The following FGD5 variants were observed in gnomAD, a reference collection of about 807,000 sequenced individuals.
FGD5 encodes FYVE, RhoGEF and PH domain-containing protein 5.
Under a neutral mutation model 133.4 loss-of-function variants are expected in FGD5, and 28 were observed. That is an observed-to-expected ratio of 0.21 (90% CI 0.16 to 0.29). The LOEUF is 0.29. Ranked by LOEUF, FGD5 falls within the 10% of genes least tolerant of loss-of-function variation. The probability of loss-of-function intolerance (pLI) is 1.00; values close to 1 mark genes in which losing one functional copy is unlikely to be tolerated. For missense variants in FGD5, 1,858 were observed against 1,895.2 expected (o/e 0.98, Z 0.36); for synonymous variants, 810 against 776.5 (o/e 1.04, Z -0.72).
chr3:14,851,163 T>TG (rs35572917), intron 1 of FGD5, among the ~76,000 whole-genome samples: 115,588 of 151,976 alleles, frequency 0.76, 44,191 homozygotes, highest in East Asian at 0.97. Context: ...GAATTCAGAC[T>TG]GCCTGTAGCT....
At chr3:14,816,564 A>G (rs939032330), upstream of FGD5, among the ~76,000 whole-genome samples, 3 of 152,332 alleles carry the variant, frequency 2.0e-5, no homozygotes, top group East Asian at 5.8e-4. Context: ...GCTGAGTTTC[A>G]TAGCTGATAA....
intron 7 of FGD5, 146 bp from the exon 8 acceptor site, chr3:14,900,257 A>C: frequency 2.7e-6 from 2 of 742,478 alleles, no homozygotes; most frequent in Admixed American, 2.1e-5. Context: ...GTTTCATGCT[A>C]ATGTGGTATT....
chr3:14,901,146 C>A, intron 9 of FGD5, 85 bp downstream of exon 9: 2 of 1,373,346 alleles, frequency 1.5e-6, no homozygotes, highest in Non-Finnish European at 2.1e-6. Flanking sequence ...TGATGCCCCA[C>A]TCCTAGGGGC....
At chr3:14,858,355 G>GAGGATGGA (rs2037326896) in intron 1 of FGD5, among the ~76,000 whole-genome samples, 2 of 130,888 alleles carry the variant, frequency 1.5e-5, no homozygotes, top group Admixed American at 1.6e-4. Context: ...GGGTGGGTGG[G>GAGGATGGA]TGGATGGATG....
intron 18 of FGD5, among the ~76,000 whole-genome samples, chr3:14,928,616 G>A (rs1316643742): frequency 2.0e-5 from 3 of 152,016 alleles, no homozygotes; most frequent in East Asian, 1.9e-4. Flanking sequence ...ATGGTGGCAC[G>A]CACCTGTAGT....
chr3:14,827,638 T>C (rs1037427334), intron 1 of FGD5, among the ~76,000 whole-genome samples: 3 of 152,186 alleles, frequency 2.0e-5, no homozygotes, highest in Non-Finnish European at 4.4e-5. Flanking sequence ...TCTTTTCTGC[T>C]GGCTGGTGGG....
chr3:14,885,292 A>T (rs1375314295), intron 4 of FGD5, among the ~76,000 whole-genome samples: 1 of 151,586 alleles, frequency 6.6e-6, no homozygotes, highest in Non-Finnish European at 1.5e-5. Flanking sequence ...CAAAACAGAT[A>T]GTGAGAAGAG....
Position 14,923,165 on chromosome 3 carries a change from C to A in FGD5, c.3927C>A (p.Gly1309=). 1 of 1,612,986 alleles carries A rather than the reference C, an allele frequency of 6.2e-7. No homozygotes were observed. The highest frequency in any genetic ancestry group is 8.5e-7 in the Non-Finnish European group (1 of 1,179,692). The part of the protein sequence containing the change: ...ELKKRGRAVP[G]LMRERPVSMS... ...AGAAGCGGGGCAGGGCTGTCCCGGGCCTGATGAGAGGTAACCTGGGGACCA... is the reference window on the plus strand; with the variant it reads ...AGAAGCGGGGCAGGGCTGTCCCGGGACTGATGAGAGGTAACCTGGGGACCA... The change falls in exon 16 of 20, where the codon GGC becomes GGA. Residue 1309 remains glycine (G), a synonymous_variant. Coordinates refer to ENST00000285046, the MANE Select transcript of FGD5 (RefSeq NM_152536.4).
intron 1 of FGD5, among the ~76,000 whole-genome samples, chr3:14,832,190 C>A (rs2036724052): frequency 6.6e-6 from 1 of 152,168 alleles, no homozygotes; most frequent in African/African-American, 2.4e-5. Flanking sequence ...GACACCAGGG[C>A]TGAGTCAGGT....
intron 1 of FGD5, among the ~76,000 whole-genome samples, chr3:14,830,961 A>G (rs1435300415): frequency 6.6e-6 from 1 of 152,236 alleles, no homozygotes; most frequent in East Asian, 1.9e-4. Context: ...ATGGAAAAGA[A>G]GAATAAAAAA....
At chr3:14,878,316 G>T (rs116271750) in intron 2 of FGD5, among the ~76,000 whole-genome samples, 2 of 152,208 alleles carry the variant, frequency 1.3e-5, no homozygotes, top group Non-Finnish European at 2.9e-5. Flanking sequence ...GGATGTGATT[G>T]ATTCCAGAGT....
chr3:14,910,729 T>G, intron 10 of FGD5, 132 bp from the exon 11 acceptor site: 2 of 692,966 alleles, frequency 2.9e-6, no homozygotes, highest in Non-Finnish European at 4.8e-6. Context: ...GATTTAAGTT[T>G]CCACTCAGGG....
chr3:14,873,784 C>T (rs1486773112), intron 2 of FGD5, among the ~76,000 whole-genome samples: 1 of 150,976 alleles, frequency 6.6e-6, no homozygotes, highest in Non-Finnish European at 1.5e-5. Flanking sequence ...TGTAGTGGCA[C>T]GATCTTGGCT....
At chr3:14,906,810 T>G (rs1575248448) in intron 9 of FGD5, among the ~76,000 whole-genome samples, 1 of 152,226 alleles carries the variant, frequency 6.6e-6, no homozygotes, top group Non-Finnish European at 1.5e-5. Flanking sequence ...GCTTGCCAGG[T>G]GGAACCCAGT....
At chr3:14,844,282 T>G (rs2037001512) in intron 1 of FGD5, among the ~76,000 whole-genome samples, 1 of 104,734 alleles carries the variant, frequency 9.5e-6, no homozygotes, top group African/African-American at 3.5e-5. Context: ...AATGCAGGTT[T>G]CCAGGCCCTT....
In FGD5 at chr3:14,934,164, A is replaced by C. The variant is rs1343017879; in HGVS notation, c.*997A>C. 6.6e-6 allele frequency: 1 copy of C among 152,214 alleles called. No individual in the cohort carries two copies. Among genetic ancestry groups the C allele is most frequent in the East Asian group, 1.9e-4 (1 of 5,198 alleles). 9.4% of individuals were successfully genotyped at this position (152,214 alleles called of 1,614,324 possible). A position where few individuals can be genotyped will look rare whatever the true frequency, so the allele number is the denominator to read the frequency against. ...TGAGAGGTGAAAAAAAGAGAAAACA[A>C]GTTAGACTCCAAAGGTGAATTCCTG... is the stretch of plus-strand genomic sequence containing the variant. On this transcript the variant is annotated 3_prime_UTR_variant, in exon 20 of 20. Coordinates refer to ENST00000285046, the MANE Select transcript of FGD5 (RefSeq NM_152536.4).
At chr3:14,857,082 G>A (rs978149433) in intron 1 of FGD5, among the ~76,000 whole-genome samples, 12 of 152,166 alleles carry the variant, frequency 7.9e-5, no homozygotes, top group East Asian at 3.9e-4. Flanking sequence ...TTTTTATCAC[G>A]AAGGGATGTT....
intron 1 of FGD5, among the ~76,000 whole-genome samples, chr3:14,833,769 G>A (rs2036762824): frequency 6.6e-6 from 1 of 152,176 alleles, no homozygotes; most frequent in Non-Finnish European, 1.5e-5. Context: ...AGTGCAGCAG[G>A]GCTTTCATGA....
At chr3:14,903,485 C>A in intron 9 of FGD5, among the ~76,000 whole-genome samples, 1 of 148,224 alleles carries the variant, frequency 6.7e-6, no homozygotes, top group African/African-American at 2.5e-5. Flanking sequence ...GTATATCTCC[C>A]AGTGCTATCC....
Sources: gnomAD v4.1 joint callset for allele counts (sites outside exome capture counted in the v4.1 genomes callset) on GRCh38, gnomAD v4.1.1 for gene constraint, MANE v1.5 for transcripts, NCBI Gene and HGNC (gene_info 2026-07-23, HGNC 2026-07-21) for gene names.